The following WIF1 variants were observed in gnomAD, a reference collection of about 807,000 sequenced individuals.
WIF1 encodes Wnt inhibitory factor 1.
WIF1 carries 35 observed loss-of-function variants against 53.5 expected under a neutral mutation model. The observed-to-expected ratio is 0.65, with a 90% CI of 0.50 to 0.87. WIF1 has a LOEUF of 0.87. Ranked by LOEUF, WIF1 falls within the 40% of genes least tolerant of loss-of-function variation. WIF1 has a pLI of 0.00. For synonymous variants in WIF1, 171 were observed against 170.4 expected, an observed-to-expected ratio of 1.00 and a Z score of -0.03; for missense variants, 467 against 476.8, an observed-to-expected ratio of 0.98 and a Z score of 0.19.
intron 3 of WIF1, among the ~76,000 whole-genome samples, chr12:65,072,414 G>A (rs910486208): frequency 6.6e-6 from 1 of 152,106 alleles, no homozygotes; most frequent in Non-Finnish European, 1.5e-5. Flanking sequence ...TTTCATTGTG[G>A]TGTAGTGATT....
At chr12:65,075,004 A>G (rs1233016393) in intron 3 of WIF1, among the ~76,000 whole-genome samples, 3 of 152,062 alleles carry the variant, frequency 2.0e-5, no homozygotes, top group Non-Finnish European at 4.4e-5. Context: ...GCGTATCCAC[A>G]TCTCTAGAAT....
chr12:65,051,402 G>T lies in WIF1; in HGVS notation c.1087C>A (p.Leu363Ile), dbSNP rs1364997060. 3.1e-6 allele frequency: 5 copies of T among 1,613,958 alleles called. No homozygotes were observed. In the South Asian group the frequency reaches 4.4e-5, roughly 14 times the overall value. Residue 363 changes from leucine to isoleucine, a missense_variant, in exon 10 of 10, where the codon CTT becomes ATT. Physicochemically the swap from Leu to Ile is conservative, Grantham distance 5. Coordinates refer to ENST00000286574, the MANE Select transcript of WIF1 (RefSeq NM_007191.5). ...GAQLRQHTPS[L>I]KKAEERRDPP... ...TCCCGCCGCTCCTCGGCCTTTTTAA[G>T]TGAAGGCGTGTGCTGCCTGAGCTGG...
At chr12:65,083,222 T>C (rs1461922399) in intron 2 of WIF1, among the ~76,000 whole-genome samples, 1 of 152,112 alleles carries the variant, frequency 6.6e-6, no homozygotes, top group Non-Finnish European at 1.5e-5. Context: ...AGATGTAAAA[T>C]AGATCGTACG....
chr12:65,056,410 A>C (rs1332388479), intron 7 of WIF1, among the ~76,000 whole-genome samples: 1 of 72,992 alleles, frequency 1.4e-5, no homozygotes, highest in African/African-American at 6.7e-5. Flanking sequence ...TTTTTAAGTA[A>C]AGACGGGTTT....
chr12:65,052,859 TG>T (rs1882461982), intron 9 of WIF1, among the ~76,000 whole-genome samples: 1 of 152,148 alleles, frequency 6.6e-6, no homozygotes, highest in Non-Finnish European at 1.5e-5. Context: ...GCCTTCCCTT[TG>T]GAAGAATGGC....
rs1883519110 is a variant in WIF1, at chr12:65,116,873, CA to C, written c.288+3543del. ...GTTTGAACCTGGGAGGCAGACGTTG[CA>C]GTGAGCCAAGATCACCCCACTACAC... On this transcript the variant is annotated intron_variant, in intron 2 of 9. Transcript: ENST00000286574. Among the ~76,000 whole-genome samples, 3 of 134,944 alleles carry C rather than the reference CA, an allele frequency of 2.2e-5. No homozygotes were observed. In the South Asian group the frequency reaches 7.2e-4, roughly 32 times the overall value. The allele number at this position is 134,944 out of a possible 152,430, so 88.5% of individuals were successfully genotyped here.
chr12:65,069,244 C>T (rs151089210), intron 3 of WIF1, among the ~76,000 whole-genome samples: 334 of 152,224 alleles, frequency 2.2e-3, no homozygotes, highest in African/African-American at 7.6e-3. Flanking sequence ...ATTATGTATA[C>T]GTCAGTGTAG....
chr12:65,060,455 A>G (rs1166176830), intron 7 of WIF1, among the ~76,000 whole-genome samples: 10 of 152,246 alleles, frequency 6.6e-5, no homozygotes, highest in Admixed American at 6.5e-4. Flanking sequence ...AAGAAATGCC[A>G]TATCTTATAT....
chr12:65,107,588 C>T (rs1409301901), intron 2 of WIF1, among the ~76,000 whole-genome samples: 1 of 152,134 alleles, frequency 6.6e-6, no homozygotes, highest in Non-Finnish European at 1.5e-5. Flanking sequence ...CCATTGCACC[C>T]CAGCTTGTGT....
chr12:65,051,234 T>A lies in WIF1; in HGVS notation c.*115A>T, dbSNP rs1332658285. Reference sequence around the variant, plus strand: ...GCTCAGTGATTTATAATGAAGCTAATAAAATTCAGGCCAGTATTCTTAAGT... The same window carrying A: ...GCTCAGTGATTTATAATGAAGCTAAAAAAATTCAGGCCAGTATTCTTAAGT... On this transcript the variant is annotated 3_prime_UTR_variant, in exon 10 of 10. Transcript: ENST00000286574. 2 of 1,335,774 alleles carry A rather than the reference T, an allele frequency of 1.5e-6. No individual in the cohort carries two copies. The highest frequency in any genetic ancestry group is 2.0e-6 in the Non-Finnish European group (2 of 1,001,056). The allele number at this position is 1,335,774 out of a possible 1,614,324, so 82.7% of individuals were successfully genotyped here. A position where few individuals can be genotyped will look rare whatever the true frequency, so the allele number is the denominator to read the frequency against.
chr12:65,076,602 C>T (rs1277783710), intron 3 of WIF1, among the ~76,000 whole-genome samples: 1 of 152,114 alleles, frequency 6.6e-6, no homozygotes, highest in Non-Finnish European at 1.5e-5. Flanking sequence ...TTTTGGTACG[C>T]ACATTAATCC....
At chr12:65,055,607 TA>T (rs140453124) in intron 8 of WIF1, among the ~76,000 whole-genome samples, 23 of 149,594 alleles carry the variant, frequency 1.5e-4, no homozygotes, top group South Asian at 4.2e-4. Flanking sequence ...CCATCTCTAC[TA>T]AAAAAAAAAT....
At chr12:65,099,477 TATG>T (rs1353738094) in intron 2 of WIF1, among the ~76,000 whole-genome samples, 3 of 152,300 alleles carry the variant, frequency 2.0e-5, no homozygotes, top group African/African-American at 7.2e-5. Flanking sequence ...ATAATTTGTG[TATG>T]CCTACCAGGC....
intron 2 of WIF1, among the ~76,000 whole-genome samples, chr12:65,108,733 C>A (rs999489766): frequency 1.3e-5 from 2 of 152,162 alleles, no homozygotes; most frequent in Non-Finnish European, 2.9e-5. Context: ...ATCCCATCAT[C>A]TACCTCCATC....
At chr12:65,061,332 C>T (rs1371076124) in intron 7 of WIF1, among the ~76,000 whole-genome samples, 1 of 152,184 alleles carries the variant, frequency 6.6e-6, no homozygotes, top group East Asian at 1.9e-4. Context: ...TACTGTATAA[C>T]ACTGTTCGGC....
chr12:65,059,858 G>T (rs1392817419), intron 7 of WIF1, among the ~76,000 whole-genome samples: 1 of 152,014 alleles, frequency 6.6e-6, no homozygotes, highest in Non-Finnish European at 1.5e-5. Flanking sequence ...TGCCATGTTG[G>T]CCAGGCTGGT....
intron 2 of WIF1, among the ~76,000 whole-genome samples, chr12:65,087,982 T>C (rs903488595): frequency 1.3e-5 from 2 of 152,218 alleles, no homozygotes; most frequent in Non-Finnish European, 2.9e-5. Flanking sequence ...CTTTGCTCTT[T>C]TAATTTTCTT....
intron 3 of WIF1, among the ~76,000 whole-genome samples, chr12:65,069,536 G>C (rs1162877210): frequency 6.6e-6 from 1 of 152,172 alleles, no homozygotes; most frequent in Non-Finnish European, 1.5e-5. Flanking sequence ...CAGGCTGTTT[G>C]TTAATAAGAA....
At chr12:65,119,569 A>G (rs1883564803) in intron 2 of WIF1, among the ~76,000 whole-genome samples, 1 of 151,990 alleles carries the variant, frequency 6.6e-6, no homozygotes, top group African/African-American at 2.4e-5. Context: ...CTTTAGAATA[A>G]AAGACCGAAA....
Sources: gnomAD v4.1 joint callset for allele counts (sites outside exome capture counted in the v4.1 genomes callset) on GRCh38, gnomAD v4.1.1 for gene constraint, MANE v1.5 for transcripts, NCBI Gene and HGNC (gene_info 2026-07-23, HGNC 2026-07-21) for gene names.